The following AUTS2 variants were observed in gnomAD, a reference collection of about 807,000 sequenced individuals.
AUTS2 encodes activator of transcription and developmental regulator AUTS2.
AUTS2 carries 17 observed loss-of-function variants against 112.4 expected under a neutral mutation model. That is an observed-to-expected ratio of 0.15 (90% confidence interval 0.10 to 0.23). The LOEUF (loss-of-function observed/expected upper bound fraction) is 0.23, where lower values mean the gene tolerates loss of function less well. Among genes scored for constraint, AUTS2 ranks in the 10% least tolerant of loss-of-function variants. The pLI, the probability that AUTS2 is intolerant of heterozygous loss-of-function variation, is 1.00. For synonymous variants in AUTS2, 751 were observed against 702.7 expected, an observed-to-expected ratio of 1.07 and a Z score of -1.09; for missense variants, 1,510 against 1,701.6, an observed-to-expected ratio of 0.89 and a Z score of 1.98.
At chr7:70,433,214 A>C (rs1258497793) in intron 4 of AUTS2, among the ~76,000 whole-genome samples, 2 of 152,114 alleles carry the variant, frequency 1.3e-5, no homozygotes, top group Admixed American at 1.3e-4. Flanking sequence ...TGCCGTTAGG[A>C]TAGGGGGCAC....
chr7:69,990,650 G>C (rs1798709169), intron 2 of AUTS2, among the ~76,000 whole-genome samples: 1 of 152,162 alleles, frequency 6.6e-6, no homozygotes, highest in African/African-American at 2.4e-5. Context: ...CATAGTTTCT[G>C]GCTTCAGAGA....
intron 2 of AUTS2, among the ~76,000 whole-genome samples, chr7:70,008,703 T>A (rs1799656532): frequency 6.6e-6 from 1 of 152,214 alleles, no homozygotes; most frequent in Non-Finnish European, 1.5e-5. Flanking sequence ...AAGTAAAACG[T>A]GAATTGAGAA....
At chr7:70,496,297 A>T (rs1585216791) in intron 5 of AUTS2, among the ~76,000 whole-genome samples, 1 of 104,042 alleles carries the variant, frequency 9.6e-6, no homozygotes, top group Non-Finnish European at 2.0e-5. Flanking sequence ...CACACACCCC[A>T]CTCACACACA....
At chr7:69,681,886 C>T (rs984406911) in intron 1 of AUTS2, among the ~76,000 whole-genome samples, 1 of 152,036 alleles carries the variant, frequency 6.6e-6, no homozygotes, top group Non-Finnish European at 1.5e-5. Flanking sequence ...AGGATGGAGA[C>T]CTTGGCAATT....
intron 1 of AUTS2, among the ~76,000 whole-genome samples, chr7:69,746,326 G>T (rs1159278770): frequency 6.6e-6 from 1 of 152,152 alleles, no homozygotes; most frequent in Non-Finnish European, 1.5e-5. Context: ...AAACAAAACA[G>T]GCTCTGTGCT....
intron 15 of AUTS2, chr7:70,784,029 G>C (rs954372064): frequency 3.3e-5 from 5 of 152,014 alleles, no homozygotes; most frequent in African/African-American, 7.3e-5. Flanking sequence ...AGAAGAGGAG[G>C]AAATGTGGAT....
At chr7:69,904,744 TA>T (rs1186496390) in intron 2 of AUTS2, among the ~76,000 whole-genome samples, 1 of 152,172 alleles carries the variant, frequency 6.6e-6, no homozygotes, top group African/African-American at 2.4e-5. Flanking sequence ...AGGTATCAAA[TA>T]AAATTCTTTA....
intron 2 of AUTS2, among the ~76,000 whole-genome samples, chr7:69,940,669 G>GT (rs1461450728): frequency 2.0e-5 from 3 of 152,286 alleles, no homozygotes. Context: ...AAGCTTTAAC[G>GT]TGTTTCTCAC....
At chr7:70,019,357 C>T (rs1203875067) in intron 2 of AUTS2, among the ~76,000 whole-genome samples, 2 of 152,026 alleles carry the variant, frequency 1.3e-5, no homozygotes, top group African/African-American at 2.4e-5. Context: ...TACAACAAAC[C>T]CCCATGACAC....
intron 5 of AUTS2, among the ~76,000 whole-genome samples, chr7:70,620,934 A>G (rs1020707477): frequency 6.6e-6 from 1 of 152,186 alleles, no homozygotes; most frequent in African/African-American, 2.4e-5. Context: ...GCATGGTCAG[A>G]AGACCAGTTC....
chr7:69,879,512 C>A (rs1445119373), intron 1 of AUTS2, among the ~76,000 whole-genome samples: 1 of 152,052 alleles, frequency 6.6e-6, no homozygotes, highest in African/African-American at 2.4e-5. Flanking sequence ...TATTTCCTCG[C>A]CAGTAATATA....
intron 5 of AUTS2, among the ~76,000 whole-genome samples, chr7:70,491,079 T>C (rs1798209874): frequency 6.6e-6 from 1 of 152,128 alleles, no homozygotes; most frequent in South Asian, 2.1e-4. Context: ...GTAGACAGGG[T>C]CCTAAAGTGC....
intron 2 of AUTS2, among the ~76,000 whole-genome samples, chr7:70,067,057 AG>A (rs1228778679): frequency 6.6e-6 from 1 of 152,212 alleles, no homozygotes; most frequent in East Asian, 1.9e-4. Context: ...TTTCTCATTT[AG>A]GCATTTAATG....
At chr7:70,094,597 G>A (rs561703804) in intron 2 of AUTS2, among the ~76,000 whole-genome samples, 1 of 152,152 alleles carries the variant, frequency 6.6e-6, no homozygotes, top group Non-Finnish European at 1.5e-5. Context: ...TACAGCTCTT[G>A]CCCTGCCCTG....
intron 14 of AUTS2, among the ~76,000 whole-genome samples, chr7:70,780,220 G>A (rs1250067448): frequency 6.6e-6 from 1 of 152,112 alleles, no homozygotes; most frequent in Non-Finnish European, 1.5e-5. Flanking sequence ...AAGAAACAAG[G>A]AGGTGGGGCA....
chr7:70,320,755 G>A (rs543450192), intron 4 of AUTS2, among the ~76,000 whole-genome samples: 2 of 152,336 alleles, frequency 1.3e-5, no homozygotes, highest in Admixed American at 6.5e-5. Context: ...TAGGCTCCAG[G>A]TTCCCCTGGG....
intron 1 of AUTS2, among the ~76,000 whole-genome samples, chr7:69,711,950 C>T (rs1798347365): frequency 6.6e-6 from 1 of 152,074 alleles, no homozygotes; most frequent in Non-Finnish European, 1.5e-5. Flanking sequence ...TAAAAATAAA[C>T]AACCAAGAAT....
intron 5 of AUTS2, among the ~76,000 whole-genome samples, chr7:70,542,651 G>C (rs1446207021): frequency 6.6e-6 from 1 of 152,174 alleles, no homozygotes; most frequent in Non-Finnish European, 1.5e-5. Context: ...GCTATTCATT[G>C]TCTCCTTTAT....
At chr7:70,130,873 C>T (rs928769412) in intron 3 of AUTS2, among the ~76,000 whole-genome samples, 5 of 152,258 alleles carry the variant, frequency 3.3e-5, no homozygotes, top group Admixed American at 1.3e-4. Context: ...TTTCTACCTA[C>T]TGCATTGAAA....
Sources: allele counts gnomAD v4.1 joint callset (sites outside exome capture counted in the v4.1 genomes callset), GRCh38; gene constraint gnomAD v4.1.1; transcripts MANE v1.5; gene names NCBI Gene and HGNC (gene_info 2026-07-23, HGNC 2026-07-21).